Variants in TENM2 observed in about 807,000 individuals in gnomAD.
The protein encoded by TENM2 is teneurin-2.
A neutral mutation model predicts 245.2 loss-of-function variants in TENM2; 52 were observed. The observed-to-expected ratio is 0.21, with a 90% CI of 0.17 to 0.27. TENM2 has a LOEUF of 0.27. TENM2 is among the 10% of genes least tolerant of loss of function. The probability of loss-of-function intolerance (pLI) is 1.00; values close to 1 mark genes in which losing one functional copy is unlikely to be tolerated. For synonymous variants in TENM2, 1,363 were observed against 1,438.9 expected (o/e 0.95, Z 1.19); for missense variants, 3,046 against 3,666.8 (o/e 0.83, Z 4.37).
chr5:167,206,092 G>A, the TENM2 span, among the ~76,000 whole-genome samples: 1 of 152,098 alleles, frequency 6.6e-6, no homozygotes, highest in Non-Finnish European at 1.5e-5. Flanking sequence ...CATATTCATT[G>A]ACATGACATC....
intron 2 of TENM2, among the ~76,000 whole-genome samples, chr5:167,626,001 C>T (rs1778477081): frequency 6.6e-6 from 1 of 152,070 alleles, no homozygotes; most frequent in Non-Finnish European, 1.5e-5. Flanking sequence ...TTCTATGACC[C>T]AACCTTGGGA....
At chr5:166,993,083 G>A in the TENM2 span, among the ~76,000 whole-genome samples, 1 of 151,864 alleles carries the variant, frequency 6.6e-6, no homozygotes. Flanking sequence ...CTTTAGGCTT[G>A]GAGAGGAACC....
chr5:167,287,138 G>A lies in TENM2; in HGVS notation c.226+2075G>A, dbSNP rs143499053. ...ATTTATGCATGAAAATGTAGTCAGA[G>A]TCTGAGTGGATCTACTTTGATGGGT... On this transcript the variant is annotated intron_variant, in intron 1 of 28. Coordinates refer to ENST00000518659, the Ensembl canonical transcript of TENM2. Among the ~76,000 whole-genome samples the A allele has an allele frequency of 1.7e-3, 255 of 152,344 alleles. 1 individual carries two copies. The highest frequency in any genetic ancestry group is 5.5e-3 in the African/African-American group (228 of 41,584).
rs1469122015 is a variant in TENM2, at chr5:167,506,841, T to A, written c.502+131368T>A. 3.9e-5 allele frequency among the ~76,000 whole-genome samples: 6 copies of A among 152,312 alleles called. No individual in the cohort carries two copies. The East Asian group carries it at 9.6e-4, about 24-fold the overall frequency. On this transcript the variant is annotated intron_variant, in intron 2 of 28. Transcript: ENST00000518659. ...ATTTGCTGTATAGTATCTGGAGGTA[T>A]TTCTGGAAGTGGGTTTCTGGATTTG...
intron 2 of TENM2, among the ~76,000 whole-genome samples, chr5:167,507,224 T>G (rs1039163638): frequency 2.0e-5 from 3 of 152,208 alleles, no homozygotes; most frequent in Admixed American, 1.3e-4. Context: ...AATGCAATCT[T>G]ATTTTTAAAC....
At chr5:167,862,916 G>A (rs1275159659) in intron 2 of TENM2, among the ~76,000 whole-genome samples, 1 of 152,132 alleles carries the variant, frequency 6.6e-6, no homozygotes, top group Middle Eastern at 3.4e-3. Context: ...AGACTGTCTA[G>A]TCATCTTGAC....
the TENM2 span, among the ~76,000 whole-genome samples, chr5:167,254,233 G>A: frequency 1.3e-5 from 2 of 152,086 alleles, no homozygotes; most frequent in Non-Finnish European, 2.9e-5. Context: ...AAGAGAAAAA[G>A]GGCAGTTTCA....
chr5:167,659,998 T>C (rs1018261822), intron 2 of TENM2: 1 of 152,180 alleles, frequency 6.6e-6, no homozygotes, highest in African/African-American at 2.4e-5. Context: ...AACAATTAAA[T>C]GACAACAGTT....
chr5:167,661,104 C>A (rs1394196084), intron 2 of TENM2, among the ~76,000 whole-genome samples: 1 of 152,104 alleles, frequency 6.6e-6, no homozygotes, highest in East Asian at 1.9e-4. Context: ...TTGCACTGAG[C>A]ATGTACCTTA....
At chr5:167,733,710 C>T (rs1685654173) in intron 2 of TENM2, among the ~76,000 whole-genome samples, 1 of 152,102 alleles carries the variant, frequency 6.6e-6, no homozygotes. Flanking sequence ...ACGGAAGGGC[C>T]CCTTAGGTTC....
chr5:167,786,705 C>G (rs939653186), intron 2 of TENM2, among the ~76,000 whole-genome samples: 2 of 152,100 alleles, frequency 1.3e-5, no homozygotes, highest in African/African-American at 4.8e-5. Context: ...ATCAGGCAGC[C>G]AAAAGCAATA....
the TENM2 span, among the ~76,000 whole-genome samples, chr5:167,002,128 A>G: frequency 6.6e-6 from 1 of 152,180 alleles, no homozygotes; most frequent in Non-Finnish European, 1.5e-5. Context: ...TCAGAAAAAT[A>G]TCACTGGAGA....
chr5:167,938,998 T>C (rs140674200), intron 3 of TENM2, among the ~76,000 whole-genome samples: 60 of 152,162 alleles, frequency 3.9e-4, no homozygotes, highest in African/African-American at 1.4e-3. Context: ...TGTGTCACTG[T>C]TCTTGTGTAA....
intron 5 of TENM2, among the ~76,000 whole-genome samples, chr5:168,035,245 C>T (rs1002940752): frequency 7.2e-5 from 11 of 152,176 alleles, no homozygotes; most frequent in Non-Finnish European, 1.0e-4. Context: ...CAGTGGCTCA[C>T]GCCTGTAATC....
the TENM2 span, among the ~76,000 whole-genome samples, chr5:167,238,803 T>C: frequency 6.6e-6 from 1 of 152,234 alleles, no homozygotes; most frequent in African/African-American, 2.4e-5. Flanking sequence ...TCAATTTGTA[T>C]GATCTTTCTT....
the TENM2 span, among the ~76,000 whole-genome samples, chr5:167,212,001 T>C: frequency 1.3e-5 from 2 of 152,168 alleles, no homozygotes; most frequent in Non-Finnish European, 2.9e-5. Flanking sequence ...GCCCAAGTCC[T>C]TGACCTCTAA....
chr5:167,100,569 G>A, the TENM2 span, among the ~76,000 whole-genome samples: 8 of 152,098 alleles, frequency 5.3e-5, no homozygotes, highest in Admixed American at 6.5e-5. Flanking sequence ...TGAAGACCCT[G>A]TTCTTTTTGC....
intron 1 of TENM2, among the ~76,000 whole-genome samples, chr5:167,321,801 T>TG (rs1343498230): frequency 4.1e-4 from 3 of 7,272 alleles, no homozygotes; most frequent in Admixed American, 1.7e-3. Flanking sequence ...TTTTTTTTTT[T>TG]GGGGGGGGGG....
At chr5:167,704,984 AC>A (rs1758407541) in intron 2 of TENM2, among the ~76,000 whole-genome samples, 2 of 152,084 alleles carry the variant, frequency 1.3e-5, no homozygotes, top group Admixed American at 6.6e-5. Context: ...TGCATTATTG[AC>A]AGTGGAGATT....
Sources: allele counts gnomAD v4.1 joint callset (sites outside exome capture counted in the v4.1 genomes callset), GRCh38; gene constraint gnomAD v4.1.1; transcripts MANE v1.5; gene names NCBI Gene and HGNC (gene_info 2026-07-23, HGNC 2026-07-21).